ZMAT3: variants seen among roughly 807,000 people sequenced by gnomAD.
The protein encoded by ZMAT3 is zinc finger matrin-type 3.
Under a neutral mutation model 32.3 loss-of-function variants are expected in ZMAT3, and 17 were observed. That is an observed-to-expected ratio of 0.53 (90% CI 0.36 to 0.79). The LOEUF (loss-of-function observed/expected upper bound fraction) is 0.79. Among genes scored for constraint, ZMAT3 ranks in the 30% least tolerant of loss-of-function variants. The pLI is 0.00. For missense variants in ZMAT3, 329 were observed against 359.7 expected (o/e 0.91, Z 0.69); for synonymous variants, 120 against 133.1 (o/e 0.90, Z 0.68).
chr3:179,020,450 T>C lies in ZMAT3; in HGVS notation c.*4567A>G, dbSNP rs1718488048. On this transcript the variant is annotated 3_prime_UTR_variant, in exon 6 of 6. Coordinates refer to ENST00000311417, the MANE Select transcript of ZMAT3 (RefSeq NM_022470.4). ...TCCCCTGCCAAGAAAGCAAAAACAA[T>C]AACAAAACACTTTTTATCATATATG... The C allele has an allele frequency of 6.6e-6, 1 of 152,106 alleles. No individual in the cohort carries two copies. The highest frequency in any genetic ancestry group is 2.4e-5 in the African/African-American group (1 of 41,430). The allele number at this position is 152,106 out of a possible 1,614,324, so 9.4% of individuals were successfully genotyped here. A position where few individuals can be genotyped will look rare whatever the true frequency, so the allele number is the denominator to read the frequency against.
chr3:179,018,565 G>T lies in ZMAT3; in HGVS notation c.*6452C>A, dbSNP rs1718387993. 6.6e-6 allele frequency: 1 copy of T among 152,050 alleles called. No homozygotes were observed. Among genetic ancestry groups the T allele is most frequent in the South Asian group, 2.1e-4 (1 of 4,820 alleles). The allele number at this position is 152,050 out of a possible 1,614,324, so 9.4% of individuals were successfully genotyped here. A position where few individuals can be genotyped will look rare whatever the true frequency, so the allele number is the denominator to read the frequency against. On this transcript the variant is annotated 3_prime_UTR_variant, in exon 6 of 6. Transcript: ENST00000311417. ...AAACACACACAAGAATATGAATCTG[G>T]AACATTTCAATTCTGATTCAATTCT...
chr3:179,043,373 A>T (rs1202025170), intron 2 of ZMAT3, among the ~76,000 whole-genome samples: 3 of 152,248 alleles, frequency 2.0e-5, no homozygotes, highest in Non-Finnish European at 2.9e-5. Flanking sequence ...GTACCAAAAC[A>T]GACATATAGA....
In ZMAT3 at chr3:179,019,795, C is replaced by T. The variant is rs1024997679; in HGVS notation, c.*5222G>A. 10 of 152,100 alleles carry T rather than the reference C, an allele frequency of 6.6e-5. No individual in the cohort carries two copies. Among genetic ancestry groups the T allele is most frequent in the African/African-American group, 1.9e-4 (8 of 41,424 alleles). The allele number at this position is 152,100 out of a possible 1,614,324, so 9.4% of individuals were successfully genotyped here. On this transcript the variant is annotated 3_prime_UTR_variant, in exon 6 of 6. Transcript: ENST00000311417. ...CACAATTAATAATTATTGTGCCAGT[C>T]TCTTCGCTTTAGCTGCAAATACATA...
intron 2 of ZMAT3, among the ~76,000 whole-genome samples, chr3:179,031,711 A>C (rs1183464542): frequency 6.6e-6 from 1 of 152,090 alleles, no homozygotes; most frequent in Non-Finnish European, 1.5e-5. Flanking sequence ...GTTCGAGACC[A>C]GCCTGACCAA....
In ZMAT3 at chr3:179,067,714, CTTAGGTGGAGG is replaced by C. The variant is rs1307353432; in HGVS notation, c.28_38del (p.Pro10AlafsTer55). 1 of 1,614,074 alleles carries C rather than the reference CTTAGGTGGAGG, an allele frequency of 6.2e-7. No homozygotes were observed. Among genetic ancestry groups the C allele is most frequent in the Admixed American group, 1.7e-5 (1 of 60,012 alleles). Reference sequence around the variant, plus strand: ...ACATAGGAGGCGAGGGTGAGGGCTGCTTAGGTGGAGGAAGCACGGCGTGTTGCAAGAGGATC... The same window carrying C: ...ACATAGGAGGCGAGGGTGAGGGCTGCAAGCACGGCGTGTTGCAAGAGGATC... On this transcript the variant is annotated frameshift_variant, in exon 2 of 6. Coordinates refer to ENST00000311417, the MANE Select transcript of ZMAT3 (RefSeq NM_022470.4). LOFTEE classifies it high-confidence loss of function.
intron 3 of ZMAT3, 79 bp downstream of exon 3, chr3:179,030,801 G>T: frequency 6.6e-7 from 1 of 1,523,808 alleles, no homozygotes. Context: ...ACACATGGAC[G>T]ACAAATGTCA....
At chr3:179,033,057 T>G (rs1576843709) in intron 2 of ZMAT3, among the ~76,000 whole-genome samples, 1 of 152,172 alleles carries the variant, frequency 6.6e-6, no homozygotes, top group Non-Finnish European at 1.5e-5. Flanking sequence ...GGGGGAAGTG[T>G]GGGGAAAGGA....
chr3:179,051,570 A>G (rs1435429264), intron 2 of ZMAT3, among the ~76,000 whole-genome samples: 1 of 152,224 alleles, frequency 6.6e-6, no homozygotes, highest in Admixed American at 6.5e-5. Context: ...GAAAATGACC[A>G]CACTGCAAAA....
At chr3:179,029,967 A>G (rs1719089612) in intron 3 of ZMAT3, among the ~76,000 whole-genome samples, 1 of 152,174 alleles carries the variant, frequency 6.6e-6, no homozygotes, top group South Asian at 2.1e-4. Flanking sequence ...CTGGCACGAT[A>G]TGTACTCTAT....
At chr3:179,042,443 C>T (rs1449539399) in intron 2 of ZMAT3, among the ~76,000 whole-genome samples, 1 of 152,152 alleles carries the variant, frequency 6.6e-6, no homozygotes, top group African/African-American at 2.4e-5. Context: ...AAAACATAAT[C>T]CATCACATAA....
Position 179,021,927 on chromosome 3 carries a change from T to A in ZMAT3, c.*3090A>T, listed in dbSNP as rs1199214440. ...CCTACTGTCATAGAGATTTGTGATT[T>A]TTTTTCAGATGTGCATGTAACTTTT... On this transcript the variant is annotated 3_prime_UTR_variant, in exon 6 of 6. Transcript: ENST00000311417. 1.3e-5 allele frequency: 2 copies of A among 152,206 alleles called. No homozygotes were observed. Among genetic ancestry groups the A allele is most frequent in the Non-Finnish European group, 1.5e-5 (1 of 68,030 alleles). 9.4% of individuals were successfully genotyped at this position (152,206 alleles called of 1,614,324 possible). A position where few individuals can be genotyped will look rare whatever the true frequency, so the allele number is the denominator to read the frequency against.
chr3:179,066,941 T>C (rs2108590858), intron 2 of ZMAT3, among the ~76,000 whole-genome samples: 1 of 152,360 alleles, frequency 6.6e-6, no homozygotes, highest in East Asian at 1.9e-4. Context: ...AATGTCATTT[T>C]ATTCTCACCA....
At chr3:179,044,035 A>T (rs1021856750) in intron 2 of ZMAT3, among the ~76,000 whole-genome samples, 10 of 152,312 alleles carry the variant, frequency 6.6e-5, no homozygotes, top group East Asian at 3.9e-4. Context: ...GAAGATTCAC[A>T]CCAGTTAGAA....
At chr3:179,037,503 A>G (rs148494579) in intron 2 of ZMAT3, among the ~76,000 whole-genome samples, 25 of 152,302 alleles carry the variant, frequency 1.6e-4, no homozygotes, top group African/African-American at 6.0e-4. Flanking sequence ...GCCAAGGCAC[A>G]AGCCGAGCAC....
chr3:179,024,366 T>C lies in ZMAT3; in HGVS notation c.*651A>G, dbSNP rs909391631. On this transcript the variant is annotated 3_prime_UTR_variant, in exon 6 of 6. Transcript: ENST00000311417. ...TGACAATGCATTGAGGTGGCGGTTC[T>C]GGTTAAGCCCTGGGAAACTGAAATC... 1.3e-5 allele frequency: 2 copies of C among 152,386 alleles called. No homozygotes were observed. The highest frequency in any genetic ancestry group is 4.8e-5 in the African/African-American group (2 of 41,458). 9.4% of individuals were successfully genotyped at this position (152,386 alleles called of 1,614,324 possible). A position where few individuals can be genotyped will look rare whatever the true frequency, so the allele number is the denominator to read the frequency against.
chr3:179,056,274 T>C (rs1414794211), intron 2 of ZMAT3, among the ~76,000 whole-genome samples: 2 of 151,966 alleles, frequency 1.3e-5, no homozygotes, highest in Admixed American at 6.6e-5. Flanking sequence ...ATCCTCAGTT[T>C]TTTATAATAG....
chr3:179,029,151 C>T (rs1719043459), intron 3 of ZMAT3, among the ~76,000 whole-genome samples: 1 of 150,236 alleles, frequency 6.7e-6, no homozygotes, highest in Non-Finnish European at 1.5e-5. Flanking sequence ...AAGAGCAAAA[C>T]TCCATCTCAA....
intron 2 of ZMAT3, among the ~76,000 whole-genome samples, chr3:179,055,028 C>A (rs1007368417): frequency 6.6e-6 from 1 of 152,180 alleles, no homozygotes; most frequent in African/African-American, 2.4e-5. Flanking sequence ...GGTCAGAGAA[C>A]ACGAGGCTTG....
intron 2 of ZMAT3, among the ~76,000 whole-genome samples, chr3:179,062,023 G>A (rs1721176484): frequency 6.6e-6 from 1 of 152,160 alleles, no homozygotes; most frequent in African/African-American, 2.4e-5. Flanking sequence ...GGGAATGGGT[G>A]GAGAACAGGT....
Sources: gnomAD v4.1 joint callset for allele counts (sites outside exome capture counted in the v4.1 genomes callset) on GRCh38, gnomAD v4.1.1 for gene constraint, MANE v1.5 for transcripts, NCBI Gene and HGNC (gene_info 2026-07-23, HGNC 2026-07-21) for gene names.